Variants in KCNIP4 observed in about 807,000 individuals in gnomAD.
KCNIP4 encodes potassium voltage-gated channel interacting protein 4.
Under a neutral mutation model 34.0 loss-of-function variants are expected in KCNIP4, and 12 were observed. The observed-to-expected ratio is 0.35, with a 90% confidence interval of 0.23 to 0.57. KCNIP4 has a LOEUF of 0.57. Among genes scored for constraint, KCNIP4 ranks in the 20% least tolerant of loss-of-function variants. The pLI is 0.83. For missense variants in KCNIP4, 238 were observed against 311.7 expected (o/e 0.76, Z 1.78); for synonymous variants, 124 against 102.2 (o/e 1.21, Z -1.29).
intron 1 of KCNIP4, among the ~76,000 whole-genome samples, chr4:21,923,489 G>T (rs967167820): frequency 6.6e-6 from 1 of 152,112 alleles, no homozygotes; most frequent in Non-Finnish European, 1.5e-5. Flanking sequence ...GCTGAGGCAG[G>T]AGAATTGCTT....
At chr4:20,793,515 A>T (rs776981005) in intron 3 of KCNIP4, among the ~76,000 whole-genome samples, 5 of 152,006 alleles carry the variant, frequency 3.3e-5, no homozygotes, top group Non-Finnish European at 5.9e-5. Flanking sequence ...ATATGTAAAA[A>T]CTTTCAAGGT....
intron 1 of KCNIP4, among the ~76,000 whole-genome samples, chr4:21,715,051 T>C (rs375641734): frequency 3.5e-5 from 1 of 28,318 alleles, no homozygotes; most frequent in Non-Finnish European, 5.0e-5. Flanking sequence ...TTTATTTTAT[T>C]TTATTTTATT....
intron 1 of KCNIP4, among the ~76,000 whole-genome samples, chr4:21,876,050 T>G (rs1228482420): frequency 2.6e-5 from 4 of 152,144 alleles, no homozygotes; most frequent in African/African-American, 9.7e-5. Flanking sequence ...ATGGCCTTCT[T>G]CTCAAAACAA....
intron 1 of KCNIP4, among the ~76,000 whole-genome samples, chr4:21,506,127 A>C (rs2109905970): frequency 6.6e-6 from 1 of 152,328 alleles, no homozygotes; most frequent in East Asian, 1.9e-4. Context: ...ACAACTTAAT[A>C]GAAATAATTT....
intron 1 of KCNIP4, among the ~76,000 whole-genome samples, chr4:21,763,274 C>T (rs983451022): frequency 3.9e-5 from 6 of 152,122 alleles, no homozygotes; most frequent in East Asian, 1.9e-4. Flanking sequence ...ACATGCCATC[C>T]GGTGCTTATT....
Position 21,607,190 on chromosome 4 carries a change from ACTATG to A in KCNIP4, c.61+341376_61+341380del, listed in dbSNP as rs540596590. ...TCAATCCCAATGCCACCACATACTAACTATGCAACTCTGGACTAATGACACAGTCT... is the reference window on the plus strand; with the variant it reads ...TCAATCCCAATGCCACCACATACTAACAACTCTGGACTAATGACACAGTCT... On this transcript the variant is annotated intron_variant, in intron 1 of 8. Transcript: ENST00000382152. Among the ~76,000 whole-genome samples, 683 of 152,204 alleles carry A rather than the reference ACTATG, an allele frequency of 4.5e-3. 6 individuals carry two copies. Among genetic ancestry groups the A allele is most frequent in the Admixed American group, 7.2e-3 (110 of 15,300 alleles).
At chr4:21,840,027 C>T (rs1723582370) in intron 1 of KCNIP4, among the ~76,000 whole-genome samples, 1 of 151,948 alleles carries the variant, frequency 6.6e-6, no homozygotes, top group African/African-American at 2.4e-5. Context: ...GAAAATACTC[C>T]ATGGCTTTTG....
chr4:21,540,450 CAGG>C (rs765913619), intron 1 of KCNIP4, among the ~76,000 whole-genome samples: 3 of 152,142 alleles, frequency 2.0e-5, no homozygotes, highest in Admixed American at 6.6e-5. Context: ...AGGCTCAAAT[CAGG>C]AGAATACGTA....
chr4:21,020,874 T>G (rs547838997), intron 1 of KCNIP4, among the ~76,000 whole-genome samples: 2 of 152,248 alleles, frequency 1.3e-5, no homozygotes, highest in South Asian at 4.1e-4. Context: ...CAAATTGCCT[T>G]CCTGAGACTA....
chr4:20,824,131 C>A (rs1265122577), intron 3 of KCNIP4, among the ~76,000 whole-genome samples: 1 of 152,066 alleles, frequency 6.6e-6, no homozygotes, highest in Non-Finnish European at 1.5e-5. Context: ...TGAATATTAC[C>A]GTACAGTTAT....
At position 21,935,756 on chromosome 4, in the gene KCNIP4, T is replaced by C. The variant is rs536677581; in HGVS notation, c.61+12815A>G. Among the ~76,000 whole-genome samples the C allele has an allele frequency of 9.2e-5, 14 of 152,174 alleles. 1 individual carries two copies. In the East Asian group the frequency reaches 1.9e-3, roughly 21 times the overall value. Reference sequence around the variant, plus strand: ...ACATTTTTCTCAGGCCAAATAATTATAAAAATGACCACAACTCACATTTAT... The same window carrying C: ...ACATTTTTCTCAGGCCAAATAATTACAAAAATGACCACAACTCACATTTAT... On this transcript the variant is annotated intron_variant, in intron 1 of 8. Coordinates refer to ENST00000382152, the MANE Select transcript of KCNIP4 (RefSeq NM_025221.6).
At chr4:20,750,017 T>C (rs1437352064) in intron 4 of KCNIP4, among the ~76,000 whole-genome samples, 1 of 152,146 alleles carries the variant, frequency 6.6e-6, no homozygotes, top group Non-Finnish European at 1.5e-5. Context: ...CAAGAAATGG[T>C]CCCATAGGTG....
At chr4:20,898,716 G>C (rs1726828040) in intron 1 of KCNIP4, among the ~76,000 whole-genome samples, 1 of 152,152 alleles carries the variant, frequency 6.6e-6, no homozygotes, top group Admixed American at 6.6e-5. Context: ...ACTGTAAACT[G>C]TAAGGATGTG....
intron 1 of KCNIP4, among the ~76,000 whole-genome samples, chr4:21,830,679 A>G (rs1450711050): frequency 6.6e-6 from 1 of 152,124 alleles, no homozygotes; most frequent in Non-Finnish European, 1.5e-5. Flanking sequence ...GTCTCAAACA[A>G]ACAAACAAAC....
intron 1 of KCNIP4, among the ~76,000 whole-genome samples, chr4:21,364,717 A>G (rs1719560599): frequency 6.6e-6 from 1 of 152,176 alleles, no homozygotes; most frequent in South Asian, 2.1e-4. Context: ...GAGCCATATA[A>G]TCAAATAGAT....
chr4:21,838,889 T>C (rs2109317372), intron 1 of KCNIP4, among the ~76,000 whole-genome samples: 1 of 152,358 alleles, frequency 6.6e-6, no homozygotes, highest in South Asian at 2.1e-4. Flanking sequence ...TCTCATTCCC[T>C]ATTACTCATA....
At chr4:21,673,090 C>A (rs1204489983) in intron 1 of KCNIP4, among the ~76,000 whole-genome samples, 2 of 152,186 alleles carry the variant, frequency 1.3e-5, no homozygotes, top group Non-Finnish European at 2.9e-5. Flanking sequence ...TCATGATTGC[C>A]ATAGCCTGGT....
At position 21,675,369 on chromosome 4, in the gene KCNIP4, C is replaced by A. The variant is rs903651360; in HGVS notation, c.61+273202G>T. On this transcript the variant is annotated intron_variant, in intron 1 of 8. Transcript: ENST00000382152. ...AATAATTAGAAAGAATGAATAAGAC[C>A]TACTATTTGATAGCACAATAGAGTG... Among the ~76,000 whole-genome samples, 4 of 151,922 alleles carry A rather than the reference C, an allele frequency of 2.6e-5. No homozygotes were observed. The East Asian group carries it at 7.7e-4, about 29-fold the overall frequency.
chr4:20,904,952 G>C (rs959486506), intron 1 of KCNIP4, among the ~76,000 whole-genome samples: 1 of 152,160 alleles, frequency 6.6e-6, no homozygotes, highest in Non-Finnish European at 1.5e-5. Flanking sequence ...ATAAAGACTA[G>C]AGTAGTTTTG....
Sources: gnomAD v4.1 joint callset for allele counts (sites outside exome capture counted in the v4.1 genomes callset) on GRCh38, gnomAD v4.1.1 for gene constraint, MANE v1.5 for transcripts, NCBI Gene and HGNC (gene_info 2026-07-23, HGNC 2026-07-21) for gene names.